ZMYM3: variants seen among roughly 807,000 people sequenced by gnomAD.
ZMYM3 encodes zinc finger MYM-type containing 3, also known as zinc finger MYM-type protein 3.
In ZMYM3, 6 loss-of-function variants were observed where a neutral mutation model predicts 94.2. That is an observed-to-expected ratio of 0.06 (90% CI 0.03 to 0.13). ZMYM3 has a LOEUF of 0.13. Among genes scored for constraint, ZMYM3 ranks in the 10% least tolerant of loss-of-function variants. The pLI is 1.00. For missense variants in ZMYM3, 664 were observed against 1,132.6 expected, an observed-to-expected ratio of 0.59 and a Z score of 5.94; for synonymous variants, 420 against 426.5, an observed-to-expected ratio of 0.98 and a Z score of 0.19.
chrX:71,252,477 T>C (rs2030529950), intron 2 of ZMYM3, 112 bp downstream of exon 2: 2 of 745,401 alleles, frequency 2.7e-6, no homozygotes, highest in African/African-American at 2.3e-5. Flanking sequence ...CACACATCCC[T>C]ACACTTATCT....
intron 5 of ZMYM3, 108 bp downstream of exon 5, chrX:71,250,324 C>T: frequency 9.2e-7 from 1 of 1,091,735 alleles, no homozygotes; most frequent in Non-Finnish European, 1.2e-6. Context: ...CCCTACATCA[C>T]TCTCTCGCCC....
At position 71,240,713 on chromosome X, in the gene ZMYM3, G is replaced by T; in HGVS notation, c.*203C>A. On this transcript the variant is annotated 3_prime_UTR_variant, in exon 25 of 25. Coordinates refer to ENST00000314425, the MANE Select transcript of ZMYM3 (RefSeq NM_201599.3). ...ACTGGGAGACCAGCCCCTGAGTACA[G>T]AAGACCAGGGCCCCATGGTTGTCAA... is the stretch of plus-strand genomic sequence containing the variant. 1 of 413,272 alleles carries T rather than the reference G, an allele frequency of 2.4e-6. No individual in the cohort carries two copies. Among genetic ancestry groups the T allele is most frequent in the Non-Finnish European group, 4.1e-6 (1 of 243,928 alleles). The allele number at this position is 413,272 out of a possible 1,213,427, so 34.1% of individuals were successfully genotyped here.
rs766982423 is a variant in ZMYM3 at position 71,253,060 on chromosome X, G to A, written c.196C>T (p.Leu66=). ...ALDLLDTPAG[L]EKDPGVLDGA... ...TCCAGGACTCCAGGGTCTTTTTCCA[G>A]GCCAGCAGGGGTATCAAGCAGGTCC... is the stretch of plus-strand genomic sequence containing the variant. The change falls in exon 2 of 25, where the codon CTG becomes TTG. Residue 66 remains leucine, a synonymous_variant. Transcript: ENST00000314425. 2 of 1,199,390 alleles carry A rather than the reference G, an allele frequency of 1.7e-6. No individual in the cohort carries two copies. The highest frequency in any genetic ancestry group is 2.2e-6 in the Non-Finnish European group (2 of 889,142).
intron 23 of ZMYM3, 26 bp downstream of exon 23, chrX:71,242,144 G>A: frequency 8.6e-7 from 1 of 1,164,324 alleles, no homozygotes; most frequent in Non-Finnish European, 1.1e-6. Context: ...AGGGGCAAAA[G>A]CACAGGGGAG....
At chrX:71,253,716 C>G (rs1327442445) in intron 1 of ZMYM3, among the ~76,000 whole-genome samples, 2 of 76,887 alleles carry the variant, frequency 2.6e-5, no homozygotes, top group Non-Finnish European at 5.1e-5. Context: ...AGTCTTTACC[C>G]ACCCTGTCTG....
At position 71,247,664 on chromosome X, in the gene ZMYM3, A is replaced by C. The variant is rs369466830; in HGVS notation, c.2148+70T>G. The C allele has an allele frequency of 1.2e-4, 137 of 1,162,263 alleles. No individual in the cohort carries two copies. The African/African-American group carries it at 2.2e-3, about 18-fold the overall frequency. ...TCCCTGGAGATCTGTCCACACCCCGAGCTCAGTACCACAGCCCGTGCTCCC... is the reference window on the plus strand; with the variant it reads ...TCCCTGGAGATCTGTCCACACCCCGCGCTCAGTACCACAGCCCGTGCTCCC... On this transcript the variant is annotated intron_variant, in intron 12 of 24. Transcript: ENST00000314425.
chrX:71,246,930 C>T (rs2030205672), intron 13 of ZMYM3, among the ~76,000 whole-genome samples: 1 of 111,591 alleles, frequency 9.0e-6, no homozygotes, highest in South Asian at 3.8e-4. Context: ...ACATTTGAGA[C>T]CTTCCACTTA....
At chrX:71,252,397 C>A (rs767110648) in intron 2 of ZMYM3, among the ~76,000 whole-genome samples, 192 bp downstream of exon 2, 1 of 104,604 alleles carries the variant, frequency 9.6e-6, no homozygotes, top group Non-Finnish European at 2.0e-5. Context: ...CCTGTGCCCA[C>A]CCCTACTTTC....
In ZMYM3 at chrX:71,253,625, C is replaced by G. The variant is rs1019245605; in HGVS notation, c.-19-351G>C. Among the ~76,000 whole-genome samples the G allele has an allele frequency of 4.8e-4, 43 of 89,886 alleles. 1 individual carries two copies. Among genetic ancestry groups the G allele is most frequent in the Non-Finnish European group, 1.1e-4 (5 of 45,699 alleles). The allele number at this position is 89,886 out of a possible 115,157, so 78.1% of individuals were successfully genotyped here. On this transcript the variant is annotated intron_variant, in intron 1 of 24. Transcript: ENST00000314425. ...ACGCCCCCTTAGAGTCTCCTAAGGC[C>G]GTCGCCACCAGGAGCCTTTCCCGCC...
In ZMYM3 at chrX:71,252,257, T is replaced by TC. The variant is rs2030515175; in HGVS notation, c.667+331dup. ...CTTAGAACCAAGAAGCCTGGTGTACTCCCCCAAATCCTGAAGGAAGGACTC... is the reference window on the plus strand; with the variant it reads ...CTTAGAACCAAGAAGCCTGGTGTACTCCCCCCAAATCCTGAAGGAAGGACTC... On this transcript the variant is annotated intron_variant, in intron 2 of 24. Transcript: ENST00000314425. Among the ~76,000 whole-genome samples the TC allele has an allele frequency of 2.5e-4, 28 of 110,580 alleles. No individual in the cohort carries two copies. In the South Asian group the frequency reaches 0.011, roughly 43 times the overall value.
At chrX:71,244,220 A>G in intron 20 of ZMYM3, 82 bp downstream of exon 20, 1 of 1,135,015 alleles carries the variant, frequency 8.8e-7, no homozygotes, top group Non-Finnish European at 1.2e-6. Flanking sequence ...CTTCAGCTGA[A>G]TCACAGGCCC....
chrX:71,250,832 C>G lies in ZMYM3; in HGVS notation c.779-106G>C, dbSNP rs986718415. On this transcript the variant is annotated intron_variant, in intron 4 of 24. Transcript: ENST00000314425. ...CTCCTGGGATCCCTGTTGTTCCGGCCTTTACACCCTGGCCCTTGTTACATC... is the reference window on the plus strand; with the variant it reads ...CTCCTGGGATCCCTGTTGTTCCGGCGTTTACACCCTGGCCCTTGTTACATC... The G allele has an allele frequency of 6.4e-5, 52 of 810,625 alleles. No individual in the cohort carries two copies. The East Asian group carries it at 1.7e-3, about 27-fold the overall frequency. 66.8% of individuals were successfully genotyped at this position (810,625 alleles called of 1,213,427 possible). A position where few individuals can be genotyped will look rare whatever the true frequency, so the allele number is the denominator to read the frequency against.
chrX:71,246,064 G>T lies in ZMYM3; in HGVS notation c.2607C>A (p.Ile869=). Residue 869 remains isoleucine (I), a synonymous_variant, in exon 16 of 25, where the codon ATC becomes ATA. Transcript: ENST00000314425. ...EWKPQVIVLP[I]PVPIFVPVPM... is the part of the protein sequence containing the mutation. ...GCACTGGCACGAAGATGGGCACTGGGATGGGCAGCACGATCACCTGTGGCT... is the reference window on the plus strand; with the variant it reads ...GCACTGGCACGAAGATGGGCACTGGTATGGGCAGCACGATCACCTGTGGCT... The T allele has an allele frequency of 8.3e-7, 1 of 1,211,549 alleles. No homozygotes were observed. The highest frequency in any genetic ancestry group is 1.1e-6 in the Non-Finnish European group (1 of 895,374).
Position 71,248,767 on chromosome X carries a change from G to T in ZMYM3, c.1656C>A (p.Ser552Arg). 1 of 1,207,743 alleles carries T rather than the reference G, an allele frequency of 8.3e-7. No individual in the cohort carries two copies. Among genetic ancestry groups the T allele is most frequent in the South Asian group, 1.8e-5 (1 of 56,122 alleles). The change falls in exon 9 of 25, where the codon AGC (serine) becomes AGA (arginine). Residue 552 changes from serine to arginine, a missense_variant. Ser to Arg is a moderately radical substitution (Grantham distance 110, BLOSUM62 -1). Around this residue, in one of 9 missense-constraint regions of ZMYM3, gnomAD observed 159 missense variants for 313.0 expected, o/e 0.51. Transcript: ENST00000314425. ...TGTTGTAGTAACAGGGGTCAGAGAG[G>T]CTGCGGCGGCAGAAGCTGCAGGGTC... ...PPRPCSFCRR[S>R]LSDPCYYNKV... is the part of the protein sequence containing the mutation.
chrX:71,253,884 C>A, intron 1 of ZMYM3, 145 bp downstream of exon 1: 1 of 104,884 alleles, frequency 9.5e-6, no homozygotes. Flanking sequence ...CCTCCCTTCT[C>A]CTGTTGCCCA....
In ZMYM3 at chrX:71,251,582, CT is replaced by C; in HGVS notation, c.686del (p.Lys229ArgfsTer26). On this transcript the variant is annotated frameshift_variant, in exon 3 of 25. Coordinates refer to ENST00000314425, the MANE Select transcript of ZMYM3 (RefSeq NM_201599.3). LOFTEE classifies it high-confidence loss of function. ...CCCGTTCAGGCGGCTTCTCACTCGC[CT>C]TCGCAGTCAGGCCATCTCCTGCAAA... ...PSLPGDGLTAKASEKPPERKR... is the reference protein window; with the variant it reads ...PSLPGDGLTAXASEKPPERKR... 1 of 1,193,583 alleles carries C rather than the reference CT, an allele frequency of 8.4e-7. No individual in the cohort carries two copies. The highest frequency in any genetic ancestry group is 2.3e-5 in the Admixed American group (1 of 44,301).
chrX:71,242,100 G>A, intron 23 of ZMYM3, 70 bp downstream of exon 23: 1 of 1,137,267 alleles, frequency 8.8e-7, no homozygotes, highest in African/African-American at 1.8e-5. Context: ...AGGTATGGTG[G>A]GTTATGGCAG....
intron 16 of ZMYM3, 43 bp from the exon 17 acceptor site, chrX:71,245,885 CAGTTGGGGGGA>C (rs752697979): frequency 1.0e-5 from 12 of 1,192,536 alleles, no homozygotes; most frequent in Non-Finnish European, 1.4e-5. Context: ...ACCACACCAG[CAGTTGGGGGGA>C]AGTTGGGGGG....
rs775865062 is a variant in ZMYM3, at chrX:71,253,115, G to A, written c.141C>T (p.Pro47=). 1 of 1,205,509 alleles carries A rather than the reference G, an allele frequency of 8.3e-7. No individual in the cohort carries two copies. Among genetic ancestry groups the A allele is most frequent in the South Asian group, 1.8e-5 (1 of 55,928 alleles). The part of the protein sequence containing the change: ...SQTAPTRGWA[P]PGPSPSSGAL... ...CTCCCGAGGATGGAGAAGGGCCAGGGGGGGCCCATCCTCGAGTTGGGGCAG... is the reference window on the plus strand; with the variant it reads ...CTCCCGAGGATGGAGAAGGGCCAGGAGGGGCCCATCCTCGAGTTGGGGCAG... Residue 47 remains proline (P), a synonymous_variant, in exon 2 of 25, where the codon CCC becomes CCT. Coordinates refer to ENST00000314425, the MANE Select transcript of ZMYM3 (RefSeq NM_201599.3).
Sources: allele counts gnomAD v4.1 joint callset (sites outside exome capture counted in the v4.1 genomes callset), GRCh38; gene constraint gnomAD v4.1.1; regional missense constraint gnomAD v4.1.1; transcripts MANE v1.5; gene names NCBI Gene and HGNC (gene_info 2026-07-23, HGNC 2026-07-21).